CCSER1: variants seen among roughly 807,000 people sequenced by gnomAD.
The protein encoded by CCSER1 is serine-rich coiled-coil domain-containing protein 1.
CCSER1 carries 41 observed loss-of-function variants against 82.0 expected under a neutral mutation model. That is an observed-to-expected ratio of 0.50 (90% CI 0.39 to 0.65). The LOEUF (loss-of-function observed/expected upper bound fraction) is 0.65, where lower values mean the gene tolerates loss of function less well. Ranked by LOEUF, CCSER1 falls within the 30% of genes least tolerant of loss-of-function variation. The pLI is 0.00. For missense variants in CCSER1, 1,119 were observed against 1,064.2 expected (o/e 1.05, Z -0.72); for synonymous variants, 414 against 383.9 (o/e 1.08, Z -0.92).
intron 9 of CCSER1, among the ~76,000 whole-genome samples, chr4:91,037,237 CACACACACACACACACACACATACAT>C (rs913705388): frequency 1.8e-4 from 6 of 32,644 alleles, no homozygotes; most frequent in African/African-American, 5.1e-4. Flanking sequence ...CTCTGTCACA[CACACACACACACACACACACATACAT>C]ACACACACAC....
chr4:91,454,441 C>T (rs1382085651), intron 10 of CCSER1, among the ~76,000 whole-genome samples: 1 of 152,006 alleles, frequency 6.6e-6, no homozygotes, highest in African/African-American at 2.4e-5. Context: ...CCACCTTCTA[C>T]TTATAAGGAC....
chr4:90,912,819 T>A (rs6532257), intron 8 of CCSER1, among the ~76,000 whole-genome samples: 1 of 151,956 alleles, frequency 6.6e-6, no homozygotes. Flanking sequence ...GAAAACCATG[T>A]CACGAGAACT....
At chr4:90,906,574 A>G (rs929536150) in intron 8 of CCSER1, among the ~76,000 whole-genome samples, 11 of 152,138 alleles carry the variant, frequency 7.2e-5, no homozygotes, top group African/African-American at 2.7e-4. Context: ...ATAAAATAAA[A>G]TGCTCACAAT....
chr4:91,457,911 A>G (rs1756281822), intron 10 of CCSER1, among the ~76,000 whole-genome samples: 4 of 152,200 alleles, frequency 2.6e-5, no homozygotes, highest in Non-Finnish European at 2.9e-5. Context: ...TATATTAGAT[A>G]CAAGTGTATG....
chr4:90,141,443 A>G (rs1156984584), intron 1 of CCSER1, among the ~76,000 whole-genome samples: 2 of 152,252 alleles, frequency 1.3e-5, no homozygotes, highest in Non-Finnish European at 2.9e-5. Flanking sequence ...TCTGTTTTAC[A>G]TAATATGTTA....
At chr4:90,422,318 C>T (rs917023218) in intron 4 of CCSER1, among the ~76,000 whole-genome samples, 4 of 152,058 alleles carry the variant, frequency 2.6e-5, no homozygotes, top group Admixed American at 6.6e-5. Flanking sequence ...TCTGAAGAGC[C>T]CATAGAACCA....
intron 10 of CCSER1, among the ~76,000 whole-genome samples, chr4:91,183,944 T>C (rs920774891): frequency 6.6e-6 from 1 of 152,230 alleles, no homozygotes; most frequent in South Asian, 2.1e-4. Context: ...CTACTAATTT[T>C]TGAAAGTCAT....
chr4:90,173,216 T>G (rs952686888), intron 1 of CCSER1, among the ~76,000 whole-genome samples: 2 of 151,848 alleles, frequency 1.3e-5, no homozygotes, highest in African/African-American at 2.4e-5. Context: ...AAAATATTGC[T>G]GAAGAAGTGC....
chr4:90,809,878 T>C (rs1340332146), intron 7 of CCSER1, among the ~76,000 whole-genome samples: 2 of 147,556 alleles, frequency 1.4e-5, no homozygotes, highest in African/African-American at 2.5e-5. Context: ...CTAGACAGAG[T>C]GATACCCTGT....
At chr4:90,437,921 A>G (rs1207529923) in intron 4 of CCSER1, among the ~76,000 whole-genome samples, 5 of 152,160 alleles carry the variant, frequency 3.3e-5, no homozygotes, top group African/African-American at 1.2e-4. Flanking sequence ...TTTATCAACA[A>G]TAGTTAAAAA....
intron 10 of CCSER1, among the ~76,000 whole-genome samples, chr4:91,313,309 T>G (rs1475291518): frequency 1.3e-5 from 2 of 151,930 alleles, no homozygotes; most frequent in Non-Finnish European, 2.9e-5. Context: ...TGTTAAATAC[T>G]TTTGTCTTTT....
intron 8 of CCSER1, among the ~76,000 whole-genome samples, chr4:90,921,693 G>T (rs1728402144): frequency 6.6e-6 from 1 of 151,934 alleles, no homozygotes; most frequent in South Asian, 2.1e-4. Context: ...GTGAGCTGTG[G>T]CATAATGGAA....
At chr4:91,456,088 A>G (rs1038636127) in intron 10 of CCSER1, among the ~76,000 whole-genome samples, 1 of 152,026 alleles carries the variant, frequency 6.6e-6, no homozygotes, top group Non-Finnish European at 1.5e-5. Flanking sequence ...TGAGAAATTT[A>G]TTTCTCCCAG....
chr4:91,568,326 G>T (rs1762994609), intron 10 of CCSER1, among the ~76,000 whole-genome samples: 1 of 152,132 alleles, frequency 6.6e-6, no homozygotes, highest in Non-Finnish European at 1.5e-5. Flanking sequence ...TATGTGTCTT[G>T]GGGGTAATCT....
intron 9 of CCSER1, among the ~76,000 whole-genome samples, chr4:91,067,815 G>T (rs907568229): frequency 9.2e-5 from 14 of 152,172 alleles, no homozygotes; most frequent in African/African-American, 3.1e-4. Context: ...CTTTTGTAAT[G>T]AGTTATCTGC....
intron 1 of CCSER1, among the ~76,000 whole-genome samples, chr4:90,178,854 G>A (rs907527570): frequency 6.6e-6 from 1 of 152,108 alleles, no homozygotes; most frequent in Non-Finnish European, 1.5e-5. Flanking sequence ...AATTCTATAT[G>A]ATATGCTCCG....
At chr4:91,501,662 A>T (rs1225343370) in intron 10 of CCSER1, among the ~76,000 whole-genome samples, 1 of 151,800 alleles carries the variant, frequency 6.6e-6, no homozygotes, top group African/African-American at 2.4e-5. Flanking sequence ...CTGTACCTAT[A>T]CTTCTGCTTT....
intron 10 of CCSER1, among the ~76,000 whole-genome samples, chr4:91,433,505 G>T (rs537475213): frequency 1.3e-5 from 2 of 152,192 alleles, no homozygotes; most frequent in East Asian, 3.9e-4. Flanking sequence ...TCCCTACACA[G>T]GTGTACCATT....
chr4:91,444,773 C>T (rs1413192950), intron 10 of CCSER1, among the ~76,000 whole-genome samples: 1 of 152,152 alleles, frequency 6.6e-6, no homozygotes, highest in Non-Finnish European at 1.5e-5. Context: ...AGCTAATGGA[C>T]CACTGTGAGT....
Sources: gnomAD v4.1 joint callset for allele counts (sites outside exome capture counted in the v4.1 genomes callset) on GRCh38, gnomAD v4.1.1 for gene constraint, MANE v1.5 for transcripts, NCBI Gene and HGNC (gene_info 2026-07-23, HGNC 2026-07-21) for gene names.